The following TEX264 variants were observed in gnomAD, a reference collection of about 807,000 sequenced individuals.
The protein encoded by TEX264 is testis expressed 264, ER-phagy receptor, also known as testis-expressed protein 264.
In TEX264, 13 loss-of-function variants were observed where a neutral mutation model predicts 23.4. The observed-to-expected ratio is 0.56, with a 90% CI of 0.36 to 0.88. TEX264 has a LOEUF of 0.88. TEX264 is among the 40% of genes least tolerant of loss of function. The pLI is 0.01. For missense variants in TEX264, 340 were observed against 406.8 expected (o/e 0.84, Z 1.41); for synonymous variants, 159 against 170.0 (o/e 0.94, Z 0.50).
At chr3:51,681,174 C>T (rs762413432) in intron 2 of TEX264, among the ~76,000 whole-genome samples, 2 of 152,210 alleles carry the variant, frequency 1.3e-5, no homozygotes, top group Non-Finnish European at 2.9e-5. Context: ...CCACACACCT[C>T]CTGGATCCTG....
chr3:51,688,167 G>A (rs937343286), intron 3 of TEX264, among the ~76,000 whole-genome samples: 4 of 152,212 alleles, frequency 2.6e-5, no homozygotes, highest in Non-Finnish European at 4.4e-5. Context: ...TACAGGAGGA[G>A]ACCACTCCCC....
chr3:51,704,151 C>T lies in TEX264; in HGVS notation c.*135C>T, dbSNP rs768384584. 162 of 844,350 alleles carry T rather than the reference C, an allele frequency of 1.9e-4. No homozygotes were observed. The Middle Eastern group carries it at 3.1e-3, about 16-fold the overall frequency. 52.3% of individuals were successfully genotyped at this position (844,350 alleles called of 1,614,324 possible). ...GGACCTGACTTCCCCTGCTCCAGGC[C>T]TCTTGCTAAGCCTTCTCCTCACTGC... is the stretch of plus-strand genomic sequence containing the variant. On this transcript the variant is annotated 3_prime_UTR_variant, in exon 5 of 5. Coordinates refer to ENST00000341333, the MANE Select transcript of TEX264 (RefSeq NM_015926.6).
chr3:51,678,024 A>G (rs186650022), intron 2 of TEX264, among the ~76,000 whole-genome samples: 14 of 152,234 alleles, frequency 9.2e-5, no homozygotes, highest in Middle Eastern at 3.4e-3. Flanking sequence ...CAAGGTATGC[A>G]AGGGATGGGG....
At chr3:51,697,801 G>A (rs1015789850) in intron 3 of TEX264, among the ~76,000 whole-genome samples, 1 of 152,222 alleles carries the variant, frequency 6.6e-6, no homozygotes, top group Non-Finnish European at 1.5e-5. Context: ...TGAGTGGGTA[G>A]AGAAGCAAAG....
At chr3:51,688,339 G>A (rs1018707277) in intron 3 of TEX264, among the ~76,000 whole-genome samples, 2 of 152,176 alleles carry the variant, frequency 1.3e-5, no homozygotes, top group East Asian at 1.9e-4. Context: ...GGAAGGCTTC[G>A]GACACATGGA....
In TEX264 at chr3:51,683,664, G is replaced by A. The variant is rs544600689; in HGVS notation, c.259-749G>A. On this transcript the variant is annotated intron_variant, in intron 2 of 4. Transcript: ENST00000341333. The stretch of plus-strand genomic sequence containing the variant: ...GGTAGCTGGCCCTGCCAGAGGGGTG[G>A]GGAGGATGATCTCTTCACAGAATTT... The A allele has an allele frequency of 2.0e-5, 3 of 152,222 alleles. No homozygotes were observed. The South Asian group carries it at 6.2e-4, about 32-fold the overall frequency. 9.4% of individuals were successfully genotyped at this position (152,222 alleles called of 1,614,324 possible).
In TEX264 at chr3:51,703,596, G is replaced by A. The variant is rs1394735191; in HGVS notation, c.650-128G>A. ...CAGTCAGGGTAGAGGGCAGAGGGCA[G>A]CTGGAGCAAGCCCCCTGAGCCCGGG... On this transcript the variant is annotated intron_variant, in intron 4 of 4. Transcript: ENST00000341333. This position sits in a 1 kb window ranked among gnomAD's most constrained non-coding sequence, Gnocchi z 4.8. The A allele has an allele frequency of 4.4e-5, 37 of 847,372 alleles. No homozygotes were observed. The East Asian group carries it at 1.1e-3, about 26-fold the overall frequency. The allele number at this position is 847,372 out of a possible 1,614,324, so 52.5% of individuals were successfully genotyped here.
Position 51,686,486 on chromosome 3 carries a change from G to A in TEX264, c.480+1852G>A, listed in dbSNP as rs1471242375. ...TAAATGAGGCCCTGGGTCACCAGCT[G>A]TGTCCTTGGCGGTCAAAGACAGGTT... On this transcript the variant is annotated intron_variant, in intron 3 of 4. Transcript: ENST00000341333. This position sits in a 1 kb window ranked among gnomAD's most constrained non-coding sequence, Gnocchi z 4.1. Among the ~76,000 whole-genome samples, 1 of 152,230 alleles carries A rather than the reference G, an allele frequency of 6.6e-6. No homozygotes were observed. Among genetic ancestry groups the A allele is most frequent in the Non-Finnish European group, 1.5e-5 (1 of 68,046 alleles).
chr3:51,677,093 T>A (rs995066820), intron 2 of TEX264, among the ~76,000 whole-genome samples: 4 of 152,238 alleles, frequency 2.6e-5, no homozygotes, highest in Non-Finnish European at 5.9e-5. Context: ...CTCGTGGCTA[T>A]CACAGACTGG....
chr3:51,676,488 G>T (rs1702234261), intron 2 of TEX264, among the ~76,000 whole-genome samples: 2 of 152,192 alleles, frequency 1.3e-5, no homozygotes, highest in Admixed American at 1.3e-4. Flanking sequence ...GGGTCTCCAG[G>T]GTTGGTTGGT....
At chr3:51,699,947 G>A (rs1703226946) in intron 4 of TEX264, among the ~76,000 whole-genome samples, 1 of 152,200 alleles carries the variant, frequency 6.6e-6, no homozygotes, top group Admixed American at 6.5e-5. Flanking sequence ...GGCTCAGCAG[G>A]AAGTAAGATT....
intron 3 of TEX264, among the ~76,000 whole-genome samples, chr3:51,696,460 C>T (rs1378608884): frequency 6.6e-6 from 1 of 152,194 alleles, no homozygotes; most frequent in Non-Finnish European, 1.5e-5. Flanking sequence ...GGCCATGGCT[C>T]CTACTGTGCA....
intron 2 of TEX264, among the ~76,000 whole-genome samples, chr3:51,679,530 G>C (rs1702350837): frequency 6.6e-6 from 1 of 152,174 alleles, no homozygotes; most frequent in Non-Finnish European, 1.5e-5. Flanking sequence ...TCTGAAGCTG[G>C]TCTGCTTGAG....
intron 3 of TEX264, among the ~76,000 whole-genome samples, chr3:51,696,370 GCTAA>G (rs1273918255): frequency 6.6e-6 from 1 of 152,168 alleles, no homozygotes; most frequent in Non-Finnish European, 1.5e-5. Context: ...GCTCCCTGGG[GCTAA>G]CTGAGGGAGA....
chr3:51,673,826 G>A (rs557778587), intron 1 of TEX264, among the ~76,000 whole-genome samples: 4 of 152,296 alleles, frequency 2.6e-5, no homozygotes, highest in African/African-American at 4.8e-5. Flanking sequence ...TCTGGCAGTC[G>A]TCCCTGAGGC....
In TEX264 at chr3:51,674,474, A is replaced by G. The variant is rs748610886; in HGVS notation, c.170A>G (p.Tyr57Cys). 1.9e-6 allele frequency: 3 copies of G among 1,614,168 alleles called. No homozygotes were observed. The highest frequency in any genetic ancestry group is 4.5e-5 in the East Asian group (2 of 44,886). Residue 57 changes from tyrosine (Y) to cysteine (C), a missense_variant, in exon 2 of 5, where the codon TAT (tyrosine) becomes TGT (cysteine). Transcript: ENST00000341333. The stretch of plus-strand genomic sequence containing the variant: ...GCCTACAAGTTCCACATGGGGCTCT[A>G]TGGTGAGACTGGGCGGCTTTTCACT... The part of the protein sequence containing the change: ...TVAYKFHMGL[Y>C]GETGRLFTES...
chr3:51,690,347 C>T (rs1175086794), intron 3 of TEX264, among the ~76,000 whole-genome samples: 1 of 152,150 alleles, frequency 6.6e-6, no homozygotes, highest in Non-Finnish European at 1.5e-5. Context: ...GCCTGGCCAA[C>T]ACAGTGAAAC....
At chr3:51,698,104 C>T (rs1703139406) in intron 3 of TEX264, among the ~76,000 whole-genome samples, 1 of 152,134 alleles carries the variant, frequency 6.6e-6, no homozygotes, top group African/African-American at 2.4e-5. Context: ...CTAGATGCAC[C>T]CTCCCTTCAG....
At chr3:51,701,792 C>T (rs966578617) in intron 4 of TEX264, among the ~76,000 whole-genome samples, 9 of 148,644 alleles carry the variant, frequency 6.1e-5, no homozygotes, top group Non-Finnish European at 1.2e-4. Context: ...CCACCATGCC[C>T]GGCTAATTTT....
Sources: allele counts gnomAD v4.1 joint callset (sites outside exome capture counted in the v4.1 genomes callset), GRCh38; gene constraint gnomAD v4.1.1; non-coding constraint Gnocchi (gnomAD v3.1); transcripts MANE v1.5; gene names NCBI Gene and HGNC (gene_info 2026-07-23, HGNC 2026-07-21).